The following RGPD3 variants were observed in gnomAD, a reference collection of about 807,000 sequenced individuals.
RGPD3 encodes the protein RANBP2 like and GRIP domain containing 3.
RGPD3 carries 62 observed loss-of-function variants against 154.5 expected under a neutral mutation model. The observed-to-expected ratio is 0.40, with a 90% CI of 0.33 to 0.50. The LOEUF (loss-of-function observed/expected upper bound fraction) is 0.50. RGPD3 is among the 20% of genes least tolerant of loss of function. The pLI is 0.59. For missense variants in RGPD3, 919 were observed against 1,716.8 expected (o/e 0.54, Z 8.21); for synonymous variants, 308 against 607.0 (o/e 0.51, Z 7.24).
rs1295806132 is a variant in RGPD3 at position 106,404,277 on chromosome 2, A to T, written c.*942T>A. Among the ~76,000 whole-genome samples the T allele has an allele frequency of 2.2e-3, 336 of 149,906 alleles. No individual in the cohort carries two copies. The highest frequency in any genetic ancestry group is 8.0e-3 in the African/African-American group (321 of 40,028). ...AGATTCATGGCTTGCATGCAGTGAC[A>T]CCCTATCAAGAGCCTGGAAAGACAC... On this transcript the variant is annotated 3_prime_UTR_variant, in exon 23 of 23. Transcript: ENST00000409886.
intron 1 of RGPD3, among the ~76,000 whole-genome samples, chr2:106,460,354 ATAAG>A (rs1365366672): frequency 6.6e-6 from 1 of 151,942 alleles, no homozygotes; most frequent in East Asian, 1.9e-4. Flanking sequence ...ATGGGAAAGA[ATAAG>A]TAAGTACTTA....
At chr2:106,464,877 C>T (rs926223575) in intron 1 of RGPD3, among the ~76,000 whole-genome samples, 15 of 150,138 alleles carry the variant, frequency 1.0e-4, no homozygotes, top group African/African-American at 3.7e-4. Flanking sequence ...GCGCTGCCAC[C>T]ACGCCCGGCT....
chr2:106,449,466 C>CAA (rs1160792236), intron 6 of RGPD3, among the ~76,000 whole-genome samples: 4,934 of 56,454 alleles, frequency 0.087, 240 homozygotes, highest in Non-Finnish European at 0.11. Flanking sequence ...AACTCTGTCT[C>CAA]AAAAAAAAAA....
chr2:106,426,686 A>G (rs1281295884), intron 18 of RGPD3, among the ~76,000 whole-genome samples: 4 of 152,212 alleles, frequency 2.6e-5, no homozygotes, highest in Non-Finnish European at 4.4e-5. Flanking sequence ...TTTTACCAGG[A>G]AACAAAACGA....
chr2:106,470,451 T>C (rs1211673593), upstream of RGPD3, among the ~76,000 whole-genome samples: 3 of 152,210 alleles, frequency 2.0e-5, no homozygotes, highest in Non-Finnish European at 4.4e-5. Flanking sequence ...GTCCTCCCAT[T>C]GGATGTCATC....
chr2:106,467,059 C>G (rs1380157055), intron 1 of RGPD3, among the ~76,000 whole-genome samples: 3 of 123,522 alleles, frequency 2.4e-5, no homozygotes, highest in African/African-American at 2.7e-5. Flanking sequence ...CAGCGCCGGT[C>G]GGGAGCCATG....
Position 106,422,645 on chromosome 2 carries a change from G to C in RGPD3, c.4924+398C>G, listed in dbSNP as rs10171293. 7.9e-3 allele frequency among the ~76,000 whole-genome samples: 1,176 copies of C among 149,400 alleles called. 1 individual carries two copies. Among genetic ancestry groups the C allele is most frequent in the African/African-American group, 0.028 (1,138 of 40,538 alleles). Reference sequence around the variant, plus strand: ...GATCTGCCCACCTCAACCTCCCAAAGTGCTGGCATTCTAGGAGTGAGCCAC... The same window carrying C: ...GATCTGCCCACCTCAACCTCCCAAACTGCTGGCATTCTAGGAGTGAGCCAC... On this transcript the variant is annotated intron_variant, in intron 20 of 22. Coordinates refer to ENST00000409886, the MANE Select transcript of RGPD3 (RefSeq NM_001144013.2).
chr2:106,467,707 C>T (rs1281588919), intron 1 of RGPD3, among the ~76,000 whole-genome samples: 2 of 143,936 alleles, frequency 1.4e-5, no homozygotes, highest in African/African-American at 2.6e-5. Flanking sequence ...AGCCGCCGGG[C>T]CAGGTCGAGG....
chr2:106,436,124 A>G lies in RGPD3; in HGVS notation c.1757T>C (p.Met586Thr), dbSNP rs756377008. ...AAATGCTTATACTTTAAAACTCACC[A>G]TTTTCTGAAGGCATTTTGCCCAATG... is the stretch of plus-strand genomic sequence containing the variant. ...LVHWAKCLQK[M>T]GSGLNSFYDQ... The change falls in exon 12 of 23, where the codon ATG (methionine) becomes ACG (threonine). Residue 586 changes from methionine to threonine, a missense_variant and splice_region_variant. By Grantham distance (81) the Met-to-Thr change is moderately conservative. Transcript: ENST00000409886. The G allele has an allele frequency of 3.5e-5, 56 of 1,603,650 alleles. No homozygotes were observed. The Admixed American group carries it at 4.3e-4, about 12-fold the overall frequency.
intron 9 of RGPD3, among the ~76,000 whole-genome samples, chr2:106,437,948 C>T (rs1244619024): frequency 6.6e-6 from 1 of 152,342 alleles, no homozygotes; most frequent in East Asian, 1.9e-4. Context: ...CTTTTTGTTT[C>T]TGAGACGAAG....
chr2:106,442,736 G>A (rs2104488971), intron 7 of RGPD3, among the ~76,000 whole-genome samples: 1 of 115,922 alleles, frequency 8.6e-6, no homozygotes, highest in East Asian at 2.4e-4. Flanking sequence ...TCCAGTCATA[G>A]GCAATGCCCA....
At chr2:106,430,380 A>G in intron 17 of RGPD3, among the ~76,000 whole-genome samples, 1 of 85,222 alleles carries the variant, frequency 1.2e-5, no homozygotes, top group Non-Finnish European at 2.6e-5. Flanking sequence ...ACACTTGCCT[A>G]CATTAACCTG....
At chr2:106,441,765 G>A (rs1051085974) in intron 7 of RGPD3, among the ~76,000 whole-genome samples, 1 of 148,990 alleles carries the variant, frequency 6.7e-6, no homozygotes, top group Non-Finnish European at 1.5e-5. Context: ...ACGGGAGGCT[G>A]AGGCACAAGG....
chr2:106,421,293 G>A (rs1456225475), intron 20 of RGPD3, among the ~76,000 whole-genome samples: 19 of 151,208 alleles, frequency 1.3e-4, no homozygotes, highest in Middle Eastern at 3.4e-3. Context: ...AGGCACATTC[G>A]TTCTTAGGTC....
chr2:106,422,020 C>A (rs1677005854), intron 20 of RGPD3, among the ~76,000 whole-genome samples: 1 of 151,928 alleles, frequency 6.6e-6, no homozygotes, highest in Admixed American at 6.6e-5. Flanking sequence ...TTGCTAAGGG[C>A]TACCCAGCTG....
At chr2:106,410,139 G>C (rs1006816799) in intron 22 of RGPD3, among the ~76,000 whole-genome samples, 1 of 151,892 alleles carries the variant, frequency 6.6e-6, no homozygotes, top group Non-Finnish European at 1.5e-5. Flanking sequence ...GCCTCCCAAA[G>C]TGCTGGATTA....
intron 15 of RGPD3, 127 bp downstream of exon 15, chr2:106,434,101 C>G: frequency 6.6e-7 from 1 of 1,518,932 alleles, no homozygotes; most frequent in South Asian, 1.2e-5. Flanking sequence ...ACACACACAT[C>G]CCTTCTGTGC....
chr2:106,411,724 A>T (rs1676676632), intron 22 of RGPD3, among the ~76,000 whole-genome samples: 1 of 152,100 alleles, frequency 6.6e-6, no homozygotes, highest in Admixed American at 6.6e-5. Flanking sequence ...AGGCTGAGGC[A>T]GGAGAATCGC....
chr2:106,467,828 G>C (rs1394838998), intron 1 of RGPD3, among the ~76,000 whole-genome samples: 3 of 139,012 alleles, frequency 2.2e-5, no homozygotes, highest in African/African-American at 8.4e-5. Context: ...AACAGAGCGC[G>C]CCAGGGAGCA....
Sources: allele counts gnomAD v4.1 joint callset (sites outside exome capture counted in the v4.1 genomes callset), GRCh38; gene constraint gnomAD v4.1.1; transcripts MANE v1.5; gene names NCBI Gene and HGNC (gene_info 2026-07-23, HGNC 2026-07-21).